Variants in AGBL1 observed in about 807,000 individuals in gnomAD.
AGBL1 encodes the protein AGBL carboxypeptidase 1.
A neutral mutation model predicts 118.9 loss-of-function variants in AGBL1; 130 were observed. The observed-to-expected ratio is 1.09, with a 90% CI of 0.95 to 1.26. The LOEUF is 1.26. AGBL1 is among the 50% of genes most tolerant of loss of function. The probability of loss-of-function intolerance (pLI) is 0.00; values close to 1 mark genes in which losing one functional copy is unlikely to be tolerated. For missense variants in AGBL1, 1,584 were observed against 1,298.1 expected, an observed-to-expected ratio of 1.22 and a Z score of -3.38; for synonymous variants, 555 against 478.9, an observed-to-expected ratio of 1.16 and a Z score of -2.08.
chr15:86,919,319 T>C (rs2080461051), downstream of AGBL1, among the ~76,000 whole-genome samples: 1 of 152,208 alleles, frequency 6.6e-6, no homozygotes, highest in South Asian at 2.1e-4. Context: ...TTTCCTGTAG[T>C]CTGACATAAG....
chr15:86,224,292 A>G (rs977608927), intron 5 of AGBL1, among the ~76,000 whole-genome samples: 1 of 152,158 alleles, frequency 6.6e-6, no homozygotes, highest in Non-Finnish European at 1.5e-5. Context: ...ATGTGGGTCA[A>G]AAAGTATTTT....
intron 21 of AGBL1, among the ~76,000 whole-genome samples, chr15:86,664,001 A>T (rs1015886298): frequency 6.6e-6 from 1 of 152,158 alleles, no homozygotes; most frequent in African/African-American, 2.4e-5. Flanking sequence ...TTCATGGTGT[A>T]GGGACAATTT....
At chr15:86,204,797 C>G (rs891789526) in intron 5 of AGBL1, among the ~76,000 whole-genome samples, 2 of 152,046 alleles carry the variant, frequency 1.3e-5, no homozygotes, top group Non-Finnish European at 2.9e-5. Flanking sequence ...GCCATGTTGG[C>G]CAGCCTGGTC....
chr15:86,342,056 C>T (rs917955823), intron 17 of AGBL1, among the ~76,000 whole-genome samples: 2 of 152,192 alleles, frequency 1.3e-5, no homozygotes, highest in Non-Finnish European at 2.9e-5. Flanking sequence ...CCAGGGTTTT[C>T]TCATGCTAAT....
chr15:86,147,174 G>A (rs2077043763), intron 3 of AGBL1, among the ~76,000 whole-genome samples: 1 of 152,218 alleles, frequency 6.6e-6, no homozygotes, highest in Admixed American at 6.5e-5. Flanking sequence ...AACAGCTCCG[G>A]TCTGCAGCAA....
At chr15:86,855,409 T>A (rs940513556) in intron 22 of AGBL1, among the ~76,000 whole-genome samples, 1 of 152,202 alleles carries the variant, frequency 6.6e-6, no homozygotes, top group Non-Finnish European at 1.5e-5. Context: ...AGGGCTTGAA[T>A]GATATGTGTG....
At chr15:86,972,759 C>A (rs1241126487) in intron 23 of AGBL1, among the ~76,000 whole-genome samples, 2 of 152,010 alleles carry the variant, frequency 1.3e-5, no homozygotes, top group East Asian at 3.9e-4. Context: ...TTTACAAAAG[C>A]TTTCTTTTCT....
chr15:86,342,913 G>A (rs1415018675), intron 17 of AGBL1, among the ~76,000 whole-genome samples: 1 of 152,194 alleles, frequency 6.6e-6, no homozygotes, highest in Non-Finnish European at 1.5e-5. Flanking sequence ...TATGAGAGCA[G>A]CATTTTGTAA....
intron 18 of AGBL1, among the ~76,000 whole-genome samples, chr15:86,461,156 C>G (rs774714571): frequency 6.6e-6 from 1 of 152,122 alleles, no homozygotes; most frequent in Non-Finnish European, 1.5e-5. Context: ...AGCCTGGGAT[C>G]AGGGACTTTA....
intron 22 of AGBL1, among the ~76,000 whole-genome samples, chr15:86,753,294 G>A (rs1486393314): frequency 6.6e-6 from 1 of 151,720 alleles, no homozygotes; most frequent in East Asian, 1.9e-4. Flanking sequence ...CACCAGGTAC[G>A]TTTTTATGTC....
intron 22 of AGBL1, among the ~76,000 whole-genome samples, chr15:86,839,565 A>T (rs1282378856): frequency 1.3e-5 from 2 of 152,170 alleles, no homozygotes; most frequent in African/African-American, 4.8e-5. Flanking sequence ...ATATTCTGTT[A>T]TTAGGGATTA....
At chr15:86,338,845 C>T (rs1246218301) in intron 17 of AGBL1, among the ~76,000 whole-genome samples, 1 of 152,096 alleles carries the variant, frequency 6.6e-6, no homozygotes, top group African/African-American at 2.4e-5. Flanking sequence ...TTGCTCTGCT[C>T]TCAATGCTAG....
chr15:86,221,371 G>C (rs1045319423), intron 5 of AGBL1, among the ~76,000 whole-genome samples: 7 of 152,228 alleles, frequency 4.6e-5, no homozygotes, highest in African/African-American at 1.4e-4. Flanking sequence ...GGCTCTTGGA[G>C]TGGAAGTAAC....
chr15:86,698,717 C>T (rs1400997031), intron 22 of AGBL1, among the ~76,000 whole-genome samples: 2 of 151,186 alleles, frequency 1.3e-5, no homozygotes, highest in African/African-American at 2.4e-5. Context: ...CTATCTAGTG[C>T]TGCAGTTTTT....
intron 18 of AGBL1, among the ~76,000 whole-genome samples, chr15:86,516,096 T>C (rs1010449393): frequency 1.3e-5 from 2 of 152,158 alleles, no homozygotes; most frequent in African/African-American, 4.8e-5. Context: ...ACAAGTTCCA[T>C]GTGAGAGGAA....
At chr15:86,261,181 T>C (rs1354739634) in intron 9 of AGBL1, among the ~76,000 whole-genome samples, 3 of 152,074 alleles carry the variant, frequency 2.0e-5, no homozygotes, top group African/African-American at 7.2e-5. Flanking sequence ...AGCTCATGGG[T>C]TGAATGACTC....
chr15:86,715,760 T>C (rs755777320), intron 22 of AGBL1, among the ~76,000 whole-genome samples: 8 of 152,150 alleles, frequency 5.3e-5, no homozygotes, highest in Non-Finnish European at 7.3e-5. Flanking sequence ...AGTTTGTGGT[T>C]ATTGAAATAT....
chr15:86,234,838 A>T (rs1387930700), intron 6 of AGBL1, among the ~76,000 whole-genome samples: 1 of 152,320 alleles, frequency 6.6e-6, no homozygotes, highest in East Asian at 1.9e-4. Flanking sequence ...TGTCATCACC[A>T]TTTCAAAAGT....
intron 19 of AGBL1, among the ~76,000 whole-genome samples, chr15:86,536,433 C>T (rs1210112215): frequency 6.6e-6 from 1 of 152,182 alleles, no homozygotes; most frequent in Non-Finnish European, 1.5e-5. Flanking sequence ...GCCTCAGCTT[C>T]CTGAGTAGCT....
Sources: allele counts gnomAD v4.1 joint callset (sites outside exome capture counted in the v4.1 genomes callset), GRCh38; gene constraint gnomAD v4.1.1; transcripts MANE v1.5; gene names NCBI Gene and HGNC (gene_info 2026-07-23, HGNC 2026-07-21).